Variants in CTNNBIP1 observed in about 807,000 individuals in gnomAD.
The protein encoded by CTNNBIP1 is beta-catenin-interacting protein 1.
Under a neutral mutation model 11.8 loss-of-function variants are expected in CTNNBIP1, and 7 were observed. That is an observed-to-expected ratio of 0.60 (90% CI 0.34 to 1.12). The LOEUF (loss-of-function observed/expected upper bound fraction) is 1.12, where lower values mean the gene tolerates loss of function less well. Ranked by LOEUF, CTNNBIP1 falls within the 50% of genes most tolerant of loss-of-function variation. The probability of loss-of-function intolerance (pLI) is 0.03; values close to 1 mark genes in which losing one functional copy is unlikely to be tolerated. For missense variants in CTNNBIP1, 101 were observed against 113.4 expected (o/e 0.89, Z 0.50); for synonymous variants, 58 against 43.9 (o/e 1.32, Z -1.26).
At chr1:9,901,271 G>C (rs1639515934) in intron 1 of CTNNBIP1, among the ~76,000 whole-genome samples, 1 of 152,186 alleles carries the variant, frequency 6.6e-6, no homozygotes, top group Admixed American at 6.5e-5. Flanking sequence ...TGGGTCTCTG[G>C]GAAGCCAGGG....
chr1:9,866,370 C>T (rs949789809), intron 5 of CTNNBIP1, among the ~76,000 whole-genome samples: 61 of 152,242 alleles, frequency 4.0e-4, no homozygotes, highest in African/African-American at 1.4e-3. Flanking sequence ...ATTTTATCCT[C>T]AAGGCAGTGG....
rs114241722 is a variant in CTNNBIP1 at position 9,848,625 on chromosome 1, G to T, written c.*2093C>A. ...GCCAGACCTCCAGGCCCCTGAGCGG[G>T]GAGAGTGCGTGTGTGTGCACATGTG... On this transcript the variant is annotated 3_prime_UTR_variant, in exon 6 of 6. Transcript: ENST00000377263. This position sits in a 1 kb window ranked among gnomAD's most constrained non-coding sequence, Gnocchi z 4.3. The T allele has an allele frequency of 6.6e-6, 1 of 152,370 alleles. No homozygotes were observed. The highest frequency in any genetic ancestry group is 2.4e-5 in the African/African-American group (1 of 41,578). The allele number at this position is 152,370 out of a possible 1,614,324, so 9.4% of individuals were successfully genotyped here.
chr1:9,891,781 ATTTTTTTTTT>A (rs70998316), intron 1 of CTNNBIP1, among the ~76,000 whole-genome samples: 368 of 81,458 alleles, frequency 4.5e-3, no homozygotes, highest in Non-Finnish European at 6.7e-3. Context: ...ATCTCTTTAA[ATTTTTTTTTT>A]TTTTTTTTTT....
intron 1 of CTNNBIP1, among the ~76,000 whole-genome samples, chr1:9,896,949 A>G (rs1639420168): frequency 1.3e-5 from 2 of 151,720 alleles, no homozygotes; most frequent in African/African-American, 2.4e-5. Context: ...CCTGGGCGAC[A>G]GAGTGAGATT....
chr1:9,888,579 G>A (rs1639234526), intron 1 of CTNNBIP1, among the ~76,000 whole-genome samples: 1 of 152,030 alleles, frequency 6.6e-6, no homozygotes, highest in African/African-American at 2.4e-5. Flanking sequence ...AAATGGTAAT[G>A]TAAGGCGATG....
intron 1 of CTNNBIP1, among the ~76,000 whole-genome samples, chr1:9,904,435 A>G (rs2101548559): frequency 6.6e-6 from 1 of 152,236 alleles, no homozygotes; most frequent in Non-Finnish European, 1.5e-5. Flanking sequence ...TTGAAATGCC[A>G]TTTCTCTCAG....
chr1:9,864,296 T>C (rs1638695152), intron 5 of CTNNBIP1, among the ~76,000 whole-genome samples: 1 of 152,144 alleles, frequency 6.6e-6, no homozygotes, highest in African/African-American at 2.4e-5. Flanking sequence ...CAAGTCTAGG[T>C]CTAGGCGGGG....
At position 9,850,610 on chromosome 1, in the gene CTNNBIP1, G is replaced by A. The variant is rs1021040669; in HGVS notation, c.*108C>T. 1.8e-5 allele frequency: 18 copies of A among 978,520 alleles called. No individual in the cohort carries two copies. Among genetic ancestry groups the A allele is most frequent in the Non-Finnish European group, 2.5e-5 (15 of 609,006 alleles). 60.6% of individuals were successfully genotyped at this position (978,520 alleles called of 1,614,324 possible). ...GGTGGGGCAGGGCAGGGTTGGGTAG[G>A]GGAAGGGGGAGGTGGGGCAAGGGGG... On this transcript the variant is annotated 3_prime_UTR_variant, in exon 6 of 6. Coordinates refer to ENST00000377263, the MANE Select transcript of CTNNBIP1 (RefSeq NM_020248.3).
chr1:9,886,427 G>C (rs560327956), intron 1 of CTNNBIP1, among the ~76,000 whole-genome samples: 1 of 152,216 alleles, frequency 6.6e-6, no homozygotes, highest in African/African-American at 2.4e-5. Context: ...CATGTGTCCC[G>C]TAGGGGACAA....
intron 1 of CTNNBIP1, among the ~76,000 whole-genome samples, chr1:9,885,109 C>T (rs534376486): frequency 9.9e-5 from 15 of 152,238 alleles, no homozygotes; most frequent in African/African-American, 3.4e-4. Flanking sequence ...CTGCTGGTGT[C>T]TCAGGTGAGA....
Position 9,851,958 on chromosome 1 carries a change from A to T in CTNNBIP1, c.188-1182T>A, listed in dbSNP as rs2101420575. On this transcript the variant is annotated intron_variant, in intron 5 of 5. Transcript: ENST00000377263. This position sits in a 1 kb window ranked among gnomAD's most constrained non-coding sequence, Gnocchi z 4.8. ...TCTCACCCCCTTTGTAAAAGGCCAG[A>T]TCTTCACTTTGCCCCGAAAAGTACC... Among the ~76,000 whole-genome samples the T allele has an allele frequency of 6.6e-6, 1 of 152,272 alleles. No individual in the cohort carries two copies. Among genetic ancestry groups the T allele is most frequent in the African/African-American group, 2.4e-5 (1 of 41,534 alleles).
intron 5 of CTNNBIP1, among the ~76,000 whole-genome samples, chr1:9,856,333 T>C (rs1436662078): frequency 1.3e-5 from 2 of 151,822 alleles, no homozygotes; most frequent in Non-Finnish European, 1.5e-5. Flanking sequence ...TTAGTTATGA[T>C]ATCTAAAGCA....
chr1:9,909,579 C>T (rs1639690225), intron 1 of CTNNBIP1, among the ~76,000 whole-genome samples: 1 of 152,138 alleles, frequency 6.6e-6, no homozygotes, highest in Non-Finnish European at 1.5e-5. Context: ...TTTGCAGGTT[C>T]GTGCATACAC....
chr1:9,900,792 T>C (rs1404157601), intron 1 of CTNNBIP1, among the ~76,000 whole-genome samples: 1 of 152,176 alleles, frequency 6.6e-6, no homozygotes, highest in African/African-American at 2.4e-5. Flanking sequence ...CAGCACCTCA[T>C]CTTCCTGCAA....
chr1:9,876,119 C>G (rs1285193196), intron 3 of CTNNBIP1, among the ~76,000 whole-genome samples: 1 of 152,184 alleles, frequency 6.6e-6, no homozygotes, highest in African/African-American at 2.4e-5. Flanking sequence ...ATTACATAAA[C>G]TAAAACTGCA....
At chr1:9,890,793 G>A (rs1302484211) in intron 1 of CTNNBIP1, among the ~76,000 whole-genome samples, 1 of 152,178 alleles carries the variant, frequency 6.6e-6, no homozygotes, top group Non-Finnish European at 1.5e-5. Context: ...TCAACTGGAG[G>A]TAGAGGAACG....
At chr1:9,902,761 C>CTTTTTTTTTTTTTTTTT (rs200463997) in intron 1 of CTNNBIP1, among the ~76,000 whole-genome samples, 2 of 147,350 alleles carry the variant, frequency 1.4e-5, no homozygotes, top group African/African-American at 2.5e-5. Flanking sequence ...TGGGGAAGAA[C>CTTTTTTTTTTTTTTTTT]TTTTTTTTTT....
At position 9,872,857 on chromosome 1, in the gene CTNNBIP1, G is replaced by A. The variant is rs1638893608; in HGVS notation, c.-24-769C>T. Among the ~76,000 whole-genome samples the A allele has an allele frequency of 1.3e-5, 2 of 152,228 alleles. No individual in the cohort carries two copies. Among genetic ancestry groups the A allele is most frequent in the Admixed American group, 1.3e-4 (2 of 15,288 alleles). ...CCCTCCAGGAGGAGCTGGAGGAGAGGAAGCTGGGTATGGAGGGGCTTGGGT... is the reference window on the plus strand; with the variant it reads ...CCCTCCAGGAGGAGCTGGAGGAGAGAAAGCTGGGTATGGAGGGGCTTGGGT... On this transcript the variant is annotated intron_variant, in intron 3 of 5. Coordinates refer to ENST00000377263, the MANE Select transcript of CTNNBIP1 (RefSeq NM_020248.3). This position sits in a 1 kb window ranked among gnomAD's most constrained non-coding sequence, Gnocchi z 4.0.
intron 3 of CTNNBIP1, among the ~76,000 whole-genome samples, chr1:9,876,927 G>A (rs1304906940): frequency 6.6e-6 from 1 of 151,292 alleles, no homozygotes; most frequent in African/African-American, 2.4e-5. Flanking sequence ...AAGCTTGGCT[G>A]GTCAGGAAAG....
Sources: allele counts gnomAD v4.1 joint callset (sites outside exome capture counted in the v4.1 genomes callset), GRCh38; gene constraint gnomAD v4.1.1; non-coding constraint Gnocchi (gnomAD v3.1); transcripts MANE v1.5; gene names NCBI Gene and HGNC (gene_info 2026-07-23, HGNC 2026-07-21).